PDE1A: variants seen among roughly 807,000 people sequenced by gnomAD.
PDE1A encodes phosphodiesterase 1A.
A neutral mutation model predicts 61.7 loss-of-function variants in PDE1A; 35 were observed. The observed-to-expected ratio is 0.57, with a 90% CI of 0.43 to 0.75. The LOEUF is 0.75. Among genes scored for constraint, PDE1A ranks in the 30% least tolerant of loss-of-function variants. PDE1A has a pLI of 0.00. For missense variants in PDE1A, 597 were observed against 630.6 expected (o/e 0.95, Z 0.57); for synonymous variants, 232 against 213.2 (o/e 1.09, Z -0.77).
the PDE1A span, among the ~76,000 whole-genome samples, chr2:182,596,769 C>T: frequency 6.6e-6 from 1 of 152,096 alleles, no homozygotes; most frequent in Non-Finnish European, 1.5e-5. Flanking sequence ...CAAGAATCAA[C>T]AGCTACAATG....
chr2:182,694,430 C>T, the PDE1A span, among the ~76,000 whole-genome samples: 3 of 152,180 alleles, frequency 2.0e-5, no homozygotes, highest in African/African-American at 2.4e-5. Context: ...ACTTGAGAAA[C>T]ACTGAGCATC....
At chr2:182,401,851 A>C (rs1339455424) in intron 1 of PDE1A, among the ~76,000 whole-genome samples, 1 of 152,246 alleles carries the variant, frequency 6.6e-6, no homozygotes, top group Non-Finnish European at 1.5e-5. Context: ...TCAATGTACA[A>C]AAATCACAAG....
chr2:182,246,451 TG>T (rs1690982288), intron 2 of PDE1A, among the ~76,000 whole-genome samples: 1 of 144,556 alleles, frequency 6.9e-6, no homozygotes, highest in Non-Finnish European at 1.5e-5. Flanking sequence ...TCGCTCAGGC[TG>T]TAGTGCAGTG....
chr2:182,561,498 C>CA, the PDE1A span, among the ~76,000 whole-genome samples: 65 of 152,260 alleles, frequency 4.3e-4, no homozygotes, highest in African/African-American at 1.5e-3. Flanking sequence ...ATGATGCCTC[C>CA]AGCTTTGTTC....
intron 1 of PDE1A, among the ~76,000 whole-genome samples, chr2:182,313,817 A>C (rs146567190): frequency 6.6e-6 from 1 of 152,340 alleles, no homozygotes; most frequent in Non-Finnish European, 1.5e-5. Flanking sequence ...AGTACACTTG[A>C]GTAATCATCA....
At chr2:182,187,113 A>G (rs1685273721) in intron 11 of PDE1A, among the ~76,000 whole-genome samples, 1 of 152,244 alleles carries the variant, frequency 6.6e-6, no homozygotes, top group Non-Finnish European at 1.5e-5. Flanking sequence ...CCAGTGTGTT[A>G]ATATTTCAAA....
At chr2:182,613,821 T>C in the PDE1A span, among the ~76,000 whole-genome samples, 3 of 152,142 alleles carry the variant, frequency 2.0e-5, no homozygotes, top group African/African-American at 7.2e-5. Flanking sequence ...CATGGGGTAT[T>C]TTAGGTTTTC....
At chr2:182,208,884 A>G (rs1007622506) in intron 7 of PDE1A, among the ~76,000 whole-genome samples, 3 of 152,180 alleles carry the variant, frequency 2.0e-5, no homozygotes, top group Non-Finnish European at 1.5e-5. Context: ...ACCCCATTAT[A>G]TCTCGGAAGT....
the PDE1A span, among the ~76,000 whole-genome samples, chr2:182,647,357 C>T: frequency 1.3e-5 from 2 of 152,146 alleles, no homozygotes; most frequent in Non-Finnish European, 2.9e-5. Flanking sequence ...TGGTCTCTTT[C>T]CAATAAAGCA....
chr2:182,455,064 AAAAC>A (rs1685811452), intron 2 of PDE1A, among the ~76,000 whole-genome samples: 2 of 151,996 alleles, frequency 1.3e-5, no homozygotes, highest in Non-Finnish European at 2.9e-5. Flanking sequence ...TTACAAGAAA[AAAAC>A]AAACAACCCC....
At chr2:182,204,476 A>C (rs1574681348) in intron 8 of PDE1A, among the ~76,000 whole-genome samples, 1 of 152,082 alleles carries the variant, frequency 6.6e-6, no homozygotes, top group East Asian at 1.9e-4. Context: ...AGCAAAACCA[A>C]TCCCTCCTCT....
At chr2:182,250,438 C>T (rs548686943) in intron 2 of PDE1A, among the ~76,000 whole-genome samples, 1 of 152,310 alleles carries the variant, frequency 6.6e-6, no homozygotes, top group African/African-American at 2.4e-5. Context: ...AACCTACTTA[C>T]TAAGTGCTAA....
chr2:182,430,096 CAT>C (rs1385546217), upstream of PDE1A, among the ~76,000 whole-genome samples: 1 of 152,100 alleles, frequency 6.6e-6, no homozygotes, highest in Non-Finnish European at 1.5e-5. Context: ...TACCATGACA[CAT>C]ATATGATATT....
At chr2:182,535,267 A>T in the PDE1A span, among the ~76,000 whole-genome samples, 8,145 of 152,094 alleles carry the variant, frequency 0.054, 267 homozygotes, top group Middle Eastern at 0.099. Flanking sequence ...CATTAATATT[A>T]CATTCATTTT....
At chr2:182,649,676 T>C in the PDE1A span, among the ~76,000 whole-genome samples, 6 of 151,478 alleles carry the variant, frequency 4.0e-5, no homozygotes, top group Non-Finnish European at 8.8e-5. Flanking sequence ...AGGGGCGCAA[T>C]CTCAGTTCAC....
chr2:182,375,480 G>T (rs1426711109), intron 1 of PDE1A, among the ~76,000 whole-genome samples: 1 of 152,190 alleles, frequency 6.6e-6, no homozygotes, highest in East Asian at 1.9e-4. Context: ...CTTACATCCA[G>T]GTCACACTGA....
the PDE1A span, among the ~76,000 whole-genome samples, chr2:182,671,501 T>G: frequency 1.3e-5 from 2 of 151,222 alleles, no homozygotes; most frequent in Non-Finnish European, 3.0e-5. Flanking sequence ...ATCACGCTTT[T>G]GAGTGGCCAG....
At chr2:182,287,246 A>G (rs1441972688) in intron 1 of PDE1A, among the ~76,000 whole-genome samples, 2 of 152,020 alleles carry the variant, frequency 1.3e-5, no homozygotes, top group Non-Finnish European at 2.9e-5. Context: ...CTAAGACTTC[A>G]TTTTAAATGA....
chr2:182,409,472 G>A (rs1702487946), intron 1 of PDE1A, among the ~76,000 whole-genome samples: 2 of 152,216 alleles, frequency 1.3e-5, no homozygotes, highest in Admixed American at 1.3e-4. Context: ...TACAAACCCA[G>A]TCTCCATTCT....
Sources: gnomAD v4.1 joint callset for allele counts (sites outside exome capture counted in the v4.1 genomes callset) on GRCh38, gnomAD v4.1.1 for gene constraint, MANE v1.5 for transcripts, NCBI Gene and HGNC (gene_info 2026-07-23, HGNC 2026-07-21) for gene names.